BRCA1: variants seen among roughly 807,000 people sequenced by gnomAD.
The protein encoded by BRCA1 is BRCA1 DNA repair associated.
A neutral mutation model predicts 173.7 loss-of-function variants in BRCA1; 140 were observed. That is an observed-to-expected ratio of 0.81 (90% CI 0.70 to 0.93). The LOEUF is 0.93. Among genes scored for constraint, BRCA1 ranks in the 40% least tolerant of loss-of-function variants. BRCA1 has a pLI of 0.00. For missense variants in BRCA1, 1,983 were observed against 2,172.5 expected, an observed-to-expected ratio of 0.91 and a Z score of 1.73; for synonymous variants, 662 against 756.0, an observed-to-expected ratio of 0.88 and a Z score of 2.04.
chr17:43,117,969 T>C (rs182377287), intron 2 of BRCA1, among the ~76,000 whole-genome samples: 3 of 152,230 alleles, frequency 2.0e-5, no homozygotes, highest in Non-Finnish European at 4.4e-5. Context: ...TATTCTAGTG[T>C]GGTAGACAGT....
At chr17:43,140,022 G>A (rs1378194233) in intron 1 of BRCA1, 3 of 432,024 alleles carry the variant, frequency 6.9e-6, no homozygotes, top group African/African-American at 4.2e-5. Flanking sequence ...CTCCTTATTT[G>A]GGGACTGGTC....
At chr17:43,157,338 TA>T (rs1567835002) in intron 1 of BRCA1, among the ~76,000 whole-genome samples, 1 of 152,214 alleles carries the variant, frequency 6.6e-6, no homozygotes, top group Non-Finnish European at 1.5e-5. Context: ...GGTACTGTAT[TA>T]AAAGGAAGTG....
intron 1 of BRCA1, among the ~76,000 whole-genome samples, chr17:43,140,537 T>C (rs1386246414): frequency 5.3e-5 from 8 of 152,188 alleles, no homozygotes; most frequent in Non-Finnish European, 8.8e-5. Context: ...TCTCTGCCTT[T>C]GTAGTGTCCT....
intron 1 of BRCA1, chr17:43,132,555 T>C (rs1417269513): frequency 6.6e-6 from 1 of 151,988 alleles, no homozygotes; most frequent in African/African-American, 2.4e-5. Context: ...CCCAAGTTAC[T>C]TAACCTCTTT....
intron 19 of BRCA1, among the ~76,000 whole-genome samples, chr17:43,051,595 G>T (rs1273398199): frequency 6.6e-6 from 1 of 151,742 alleles, no homozygotes; most frequent in Non-Finnish European, 1.5e-5. Flanking sequence ...CAACAGAGGG[G>T]TCTATGTTGA....
rs786201634 is a variant in BRCA1, at chr17:43,094,534, T to C, written c.997A>G (p.Thr333Ala). Residue 333 changes from threonine to alanine, a missense_variant, in exon 10 of 23, where the codon ACT (threonine) becomes GCT (alanine). By Grantham distance (58) the Thr-to-Ala change is moderately conservative. Transcript: ENST00000357654. Reference protein sequence around the residue: ...GSKETCNDRRTPSTEKKVDLN... With the variant: ...GSKETCNDRRAPSTEKKVDLN... ...TCTACCTTTTTTTCTGTGCTGGGAG[T>C]CCGCCTATCATTACATGTTTCCTTA... 4 of 1,613,956 alleles carry C rather than the reference T, an allele frequency of 2.5e-6. No individual in the cohort carries two copies. The highest frequency in any genetic ancestry group is 3.4e-6 in the Non-Finnish European group (4 of 1,180,024).
chr17:43,139,900 G>T (rs553018381), intron 1 of BRCA1: 1 of 476,632 alleles, frequency 2.1e-6, no homozygotes, highest in Non-Finnish European at 4.4e-6. Context: ...CACATCTTTT[G>T]TTCTAACGTT....
At chr17:43,112,964 C>T (rs887571070) in intron 3 of BRCA1, among the ~76,000 whole-genome samples, 5 of 152,002 alleles carry the variant, frequency 3.3e-5, no homozygotes, top group African/African-American at 4.8e-5. Context: ...CCTCCACGCC[C>T]GTCTAATTTT....
chr17:43,052,530 A>T (rs1296739832), intron 19 of BRCA1, among the ~76,000 whole-genome samples: 1 of 152,176 alleles, frequency 6.6e-6, no homozygotes, highest in Non-Finnish European at 1.5e-5. Flanking sequence ...ACACACTGGC[A>T]TAGGTTCTTA....
At chr17:43,060,578 A>G (rs888930125) in intron 18 of BRCA1, among the ~76,000 whole-genome samples, 10 of 151,494 alleles carry the variant, frequency 6.6e-5, no homozygotes, top group African/African-American at 1.9e-4. Flanking sequence ...TGTAACTCCT[A>G]CCTTTCGGTT....
chr17:43,156,951 A>G (rs1282833039), intron 1 of BRCA1, among the ~76,000 whole-genome samples: 5 of 152,206 alleles, frequency 3.3e-5, no homozygotes, highest in Admixed American at 6.5e-5. Flanking sequence ...AATGATTCAA[A>G]TATTTTAAAC....
chr17:43,140,966 C>T (rs2056071278), intron 1 of BRCA1, among the ~76,000 whole-genome samples: 1 of 152,226 alleles, frequency 6.6e-6, no homozygotes, highest in Non-Finnish European at 1.5e-5. Flanking sequence ...TCATTGGAAT[C>T]AGAATTTTCT....
chr17:43,107,471 C>T (rs1351009791), intron 3 of BRCA1, among the ~76,000 whole-genome samples: 2 of 151,368 alleles, frequency 1.3e-5, no homozygotes, highest in Admixed American at 6.6e-5. Context: ...ACCTCCACCT[C>T]CTAGGCTCAA....
intron 1 of BRCA1, chr17:43,161,731 G>T (rs1447370778): frequency 6.6e-6 from 1 of 152,140 alleles, no homozygotes; most frequent in Non-Finnish European, 1.5e-5. Flanking sequence ...TTAGGACCCA[G>T]AAATTATCAG....
chr17:43,056,137 T>C (rs2051444896), intron 19 of BRCA1, among the ~76,000 whole-genome samples: 1 of 152,014 alleles, frequency 6.6e-6, no homozygotes, highest in African/African-American at 2.4e-5. Context: ...AGTTAAAACA[T>C]GGTTGGGCCT....
At chr17:43,105,612 A>G (rs2054727638) in intron 4 of BRCA1, among the ~76,000 whole-genome samples, 1 of 152,148 alleles carries the variant, frequency 6.6e-6, no homozygotes, top group Admixed American at 6.6e-5. Flanking sequence ...GATTTCTGTC[A>G]AATTATGATT....
intron 1 of BRCA1, among the ~76,000 whole-genome samples, chr17:43,159,179 G>A (rs1342114243): frequency 1.3e-5 from 2 of 152,216 alleles, no homozygotes; most frequent in Admixed American, 6.5e-5. Flanking sequence ...TGAGCCTGGC[G>A]AGGTTGAGGC....
chr17:43,076,691 T>G, intron 12 of BRCA1, 77 bp from the exon 13 acceptor site: 5 of 1,559,440 alleles, frequency 3.2e-6, no homozygotes, highest in Middle Eastern at 1.7e-4. Context: ...AATACTGATT[T>G]TTTTCAAAAG....
chr17:43,046,862 G>T (rs2050939318), intron 22 of BRCA1, among the ~76,000 whole-genome samples: 1 of 151,930 alleles, frequency 6.6e-6, no homozygotes, highest in African/African-American at 2.4e-5. Context: ...TCTGGCAACT[G>T]TATTAACATG....
Sources: gnomAD v4.1 joint callset for allele counts (sites outside exome capture counted in the v4.1 genomes callset) on GRCh38, gnomAD v4.1.1 for gene constraint, MANE v1.5 for transcripts, NCBI Gene and HGNC (gene_info 2026-07-23, HGNC 2026-07-21) for gene names.